Variants in GTF2IRD1 observed in about 807,000 individuals in gnomAD.
GTF2IRD1 encodes the protein general transcription factor II-I repeat domain-containing protein 1.
In GTF2IRD1, 26 loss-of-function variants were observed where a neutral mutation model predicts 113.2. The observed-to-expected ratio is 0.23, with a 90% CI of 0.17 to 0.32. The LOEUF (loss-of-function observed/expected upper bound fraction) is 0.32. GTF2IRD1 is among the 10% of genes least tolerant of loss of function. GTF2IRD1 has a pLI of 1.00. For synonymous variants in GTF2IRD1, 484 were observed against 529.1 expected, an observed-to-expected ratio of 0.91 and a Z score of 1.17; for missense variants, 864 against 1,280.8, an observed-to-expected ratio of 0.67 and a Z score of 4.97.
rs914156716 is a variant in GTF2IRD1 at position 74,528,540 on chromosome 7, A to C, written c.1091-1194A>C. ...TTCTTATGCAGCTTCCTTTCTAGAC[A>C]GTACACATAGAGATGAGTGTGGATG... On this transcript the variant is annotated intron_variant, in intron 8 of 26. Transcript: ENST00000424337. Among the ~76,000 whole-genome samples the C allele has an allele frequency of 2.6e-5, 4 of 152,054 alleles. No homozygotes were observed. In the East Asian group the frequency reaches 7.7e-4, roughly 29 times the overall value.
intron 1 of GTF2IRD1, among the ~76,000 whole-genome samples, chr7:74,502,576 G>A (rs782605196): frequency 3.9e-5 from 6 of 152,214 alleles, no homozygotes; most frequent in Non-Finnish European, 5.9e-5. Context: ...GCTCTGGGCC[G>A]GACTTCTATG....
chr7:74,507,998 G>T, intron 1 of GTF2IRD1, 77 bp from the exon 2 acceptor site: 1 of 1,497,256 alleles, frequency 6.7e-7, no homozygotes, highest in Non-Finnish European at 8.9e-7. Context: ...GGGTCAGGTG[G>T]ATTGGGGTGG....
chr7:74,533,132 CA>C (rs1562843388), intron 9 of GTF2IRD1, among the ~76,000 whole-genome samples: 2 of 145,210 alleles, frequency 1.4e-5, no homozygotes. Context: ...TTCCATGCAT[CA>C]TTTTTTTTTT....
chr7:74,520,769 CAAAAAAAAAA>C (rs1156355118), intron 6 of GTF2IRD1, among the ~76,000 whole-genome samples: 6 of 48,490 alleles, frequency 1.2e-4, no homozygotes, highest in Admixed American at 2.5e-4. Flanking sequence ...CTATCTCTAC[CAAAAAAAAAA>C]AAAAAAAAAA....
At chr7:74,569,131 C>T (rs1403022055) in intron 22 of GTF2IRD1, among the ~76,000 whole-genome samples, 1 of 152,180 alleles carries the variant, frequency 6.6e-6, no homozygotes, top group Non-Finnish European at 1.5e-5. Context: ...CTCTCCTCTG[C>T]CTGCCACACA....
chr7:74,479,020 C>T (rs782152395), intron 1 of GTF2IRD1, among the ~76,000 whole-genome samples: 8 of 151,954 alleles, frequency 5.3e-5, no homozygotes, highest in Non-Finnish European at 1.0e-4. Context: ...TCCCTTGGGA[C>T]CCCCCGTCGC....
intron 15 of GTF2IRD1, among the ~76,000 whole-genome samples, chr7:74,545,344 G>A (rs1293423300): frequency 4.6e-5 from 7 of 151,976 alleles, no homozygotes; most frequent in Non-Finnish European, 1.0e-4. Flanking sequence ...AACCCAGCCT[G>A]GCAGGAGGAA....
rs556198078 is a variant in GTF2IRD1, at chr7:74,458,583, G to A, written c.-7+4407G>A. Among the ~76,000 whole-genome samples the A allele has an allele frequency of 3.9e-5, 6 of 152,150 alleles. No individual in the cohort carries two copies. The East Asian group carries it at 1.2e-3, about 29-fold the overall frequency. ...AGGTGTGGCAGAGGGGCTTTGGCCT[G>A]TAGGGGGTGTGGTAATGTGGGTTTT... On this transcript the variant is annotated intron_variant, in intron 1 of 26. Transcript: ENST00000424337.
intron 1 of GTF2IRD1, among the ~76,000 whole-genome samples, chr7:74,466,482 T>C (rs1034759757): frequency 6.6e-6 from 1 of 152,070 alleles, no homozygotes; most frequent in Non-Finnish European, 1.5e-5. Flanking sequence ...TGCCTGTGTC[T>C]CTCTGTGCCA....
chr7:74,492,460 A>G (rs528456092), intron 1 of GTF2IRD1, among the ~76,000 whole-genome samples: 122 of 151,962 alleles, frequency 8.0e-4, no homozygotes, highest in Non-Finnish European at 1.4e-3. Context: ...GTGAGCCACC[A>G]CGCCTGGCCC....
chr7:74,467,933 G>C (rs1793824867), intron 1 of GTF2IRD1, among the ~76,000 whole-genome samples: 1 of 152,162 alleles, frequency 6.6e-6, no homozygotes, highest in Non-Finnish European at 1.5e-5. Flanking sequence ...GTCCTCAGGT[G>C]ATCCGCCTCT....
intron 5 of GTF2IRD1, 58 bp from the exon 6 acceptor site, chr7:74,519,351 A>G: frequency 8.0e-7 from 1 of 1,243,356 alleles, no homozygotes. Context: ...TCGGGGGAAG[A>G]GCTGCAATGT....
chr7:74,584,299 G>A lies in GTF2IRD1; in HGVS notation c.2321-5552G>A, dbSNP rs1554367097. ...TCTCTACTAAAAATACAAAAAATTAGCCAGGTGTGGTGGCGGGTACCTGTA... is the reference window on the plus strand; with the variant it reads ...TCTCTACTAAAAATACAAAAAATTAACCAGGTGTGGTGGCGGGTACCTGTA... On this transcript the variant is annotated intron_variant, in intron 22 of 26. Coordinates refer to ENST00000424337, the MANE Select transcript of GTF2IRD1 (RefSeq NM_005685.4). Among the ~76,000 whole-genome samples, 3 of 152,050 alleles carry A rather than the reference G, an allele frequency of 2.0e-5. No homozygotes were observed. The South Asian group carries it at 6.2e-4, about 32-fold the overall frequency.
At chr7:74,545,936 G>A in intron 16 of GTF2IRD1, 127 bp downstream of exon 16, 1 of 734,804 alleles carries the variant, frequency 1.4e-6, no homozygotes, top group Non-Finnish European at 2.5e-6. Flanking sequence ...CAGGGACAAG[G>A]GAGAGAGGGA....
chr7:74,590,137 A>G (rs1364568210), intron 23 of GTF2IRD1, among the ~76,000 whole-genome samples: 14 of 151,956 alleles, frequency 9.2e-5, no homozygotes, highest in Admixed American at 8.5e-4. Context: ...GCTGGAGTAC[A>G]GTGGCGTATC....
At chr7:74,480,503 G>A (rs1554334424) in intron 1 of GTF2IRD1, among the ~76,000 whole-genome samples, 1 of 152,240 alleles carries the variant, frequency 6.6e-6, no homozygotes, top group African/African-American at 2.4e-5. Flanking sequence ...TGACAGCCCG[G>A]AGATTAGTCT....
chr7:74,599,452 C>A (rs115318278), intron 25 of GTF2IRD1, among the ~76,000 whole-genome samples: 1 of 152,080 alleles, frequency 6.6e-6, no homozygotes, highest in Admixed American at 6.6e-5. Flanking sequence ...TTTATGCATG[C>A]GGTGTTTTTT....
intron 1 of GTF2IRD1, among the ~76,000 whole-genome samples, chr7:74,494,241 C>A (rs559563616): frequency 1.3e-5 from 2 of 152,360 alleles, no homozygotes; most frequent in African/African-American, 4.8e-5. Context: ...GCACTCCAGC[C>A]TGGGCAACAG....
In GTF2IRD1 at chr7:74,590,783, C is replaced by T. The variant is rs145249310; in HGVS notation, c.2399-42C>T. ...TTTCCCTAGAGGGCTTTGCCATTGACAGGAGACATCTTTCCTCACTGTGAC... is the reference window on the plus strand; with the variant it reads ...TTTCCCTAGAGGGCTTTGCCATTGATAGGAGACATCTTTCCTCACTGTGAC... On this transcript the variant is annotated intron_variant, in intron 23 of 26. Coordinates refer to ENST00000424337, the MANE Select transcript of GTF2IRD1 (RefSeq NM_005685.4). 6.3e-5 allele frequency: 88 copies of T among 1,393,284 alleles called. No individual in the cohort carries two copies. In the African/African-American group the frequency reaches 9.1e-4, roughly 14 times the overall value. 86.3% of individuals were successfully genotyped at this position (1,393,284 alleles called of 1,614,324 possible).
Sources: gnomAD v4.1 joint callset for allele counts (sites outside exome capture counted in the v4.1 genomes callset) on GRCh38, gnomAD v4.1.1 for gene constraint, MANE v1.5 for transcripts, NCBI Gene and HGNC (gene_info 2026-07-23, HGNC 2026-07-21) for gene names.